Variants in SEPTIN14 observed in about 807,000 individuals in gnomAD.
SEPTIN14 encodes the protein septin 14.
SEPTIN14 carries 40 observed loss-of-function variants against 53.6 expected under a neutral mutation model. That is an observed-to-expected ratio of 0.75 (90% CI 0.58 to 0.97). SEPTIN14 has a LOEUF of 0.97. Ranked by LOEUF, SEPTIN14 falls within the 50% of genes least tolerant of loss-of-function variation. The pLI, the probability that SEPTIN14 is intolerant of heterozygous loss-of-function variation, is 0.00. For missense variants in SEPTIN14, 471 were observed against 508.2 expected (o/e 0.93, Z 0.70); for synonymous variants, 138 against 166.8 (o/e 0.83, Z 1.33).
chr7:55,814,286 C>T (rs1030330250), intron 7 of SEPTIN14, among the ~76,000 whole-genome samples: 1 of 152,094 alleles, frequency 6.6e-6, no homozygotes, highest in Admixed American at 6.6e-5. Context: ...CTCTTCAATG[C>T]CCAGACATAG....
intron 3 of SEPTIN14, among the ~76,000 whole-genome samples, chr7:55,846,068 T>TATATATATATAG (rs1789400059): frequency 9.7e-6 from 1 of 103,250 alleles, no homozygotes; most frequent in African/African-American, 3.4e-5. Context: ...AAAAAAAGTA[T>TATATATATATAG]ATATATATAT....
intron 2 of SEPTIN14, among the ~76,000 whole-genome samples, chr7:55,847,449 G>A (rs1366765596): frequency 1.3e-5 from 2 of 152,106 alleles, no homozygotes; most frequent in Non-Finnish European, 2.9e-5. Context: ...CATATTGTAA[G>A]TCAAAACTGC....
At chr7:55,829,022 C>CTT (rs373075843) in intron 6 of SEPTIN14, among the ~76,000 whole-genome samples, 1 of 147,636 alleles carries the variant, frequency 6.8e-6, no homozygotes, top group Non-Finnish European at 1.5e-5. Flanking sequence ...TTTAAATTTA[C>CTT]TTTTTTTTTT....
In SEPTIN14 at chr7:55,794,451, C is replaced by T. The variant is rs1207002365; in HGVS notation, c.*1462G>A. ...ATAGCTAATGTACTATTGCTGGGTC[C>T]ATTTATTCAATGAATAATTGCTGCT... is the stretch of plus-strand genomic sequence containing the variant. On this transcript the variant is annotated 3_prime_UTR_variant, in exon 10 of 10. Coordinates refer to ENST00000388975, the MANE Select transcript of SEPTIN14 (RefSeq NM_207366.3). 1.3e-5 allele frequency: 2 copies of T among 152,100 alleles called. No homozygotes were observed. Among genetic ancestry groups the T allele is most frequent in the Admixed American group, 1.3e-4 (2 of 15,260 alleles). The allele number at this position is 152,100 out of a possible 1,614,324, so 9.4% of individuals were successfully genotyped here.
intron 5 of SEPTIN14, among the ~76,000 whole-genome samples, chr7:55,840,934 C>T (rs893624888): frequency 6.6e-6 from 1 of 151,990 alleles, no homozygotes; most frequent in African/African-American, 2.4e-5. Flanking sequence ...GACTCTTGCT[C>T]TGTCGCCCAG....
intron 6 of SEPTIN14, among the ~76,000 whole-genome samples, chr7:55,823,808 G>A (rs1475690906): frequency 6.6e-6 from 1 of 152,086 alleles, no homozygotes; most frequent in Non-Finnish European, 1.5e-5. Context: ...TTTCTTGCAA[G>A]CTGCCTGTTG....
chr7:55,839,979 T>C (rs917733565), intron 5 of SEPTIN14, among the ~76,000 whole-genome samples: 4 of 146,028 alleles, frequency 2.7e-5, no homozygotes, highest in Non-Finnish European at 6.0e-5. Context: ...ACCTTGTCTC[T>C]ACTAAAAATA....
intron 2 of SEPTIN14, among the ~76,000 whole-genome samples, chr7:55,857,651 G>A (rs1193369479): frequency 1.6e-5 from 2 of 121,950 alleles, no homozygotes; most frequent in African/African-American, 6.3e-5. Flanking sequence ...GCAGTGGCAC[G>A]ATCTCGGCTC....
intron 5 of SEPTIN14, among the ~76,000 whole-genome samples, chr7:55,837,823 T>C (rs1198358590): frequency 6.6e-6 from 1 of 152,226 alleles, no homozygotes; most frequent in Non-Finnish European, 1.5e-5. Flanking sequence ...CCTCAGGTGA[T>C]CTACCTGTCT....
At chr7:55,842,786 G>A (rs576821093) in intron 5 of SEPTIN14, among the ~76,000 whole-genome samples, 156 bp downstream of exon 5, 3 of 151,924 alleles carry the variant, frequency 2.0e-5, no homozygotes, top group Non-Finnish European at 4.4e-5. Context: ...GGTGGCAGGT[G>A]CCTGTAGTCC....
At chr7:55,816,347 G>A (rs543095260) in intron 7 of SEPTIN14, among the ~76,000 whole-genome samples, 2 of 152,146 alleles carry the variant, frequency 1.3e-5, no homozygotes, top group African/African-American at 2.4e-5. Context: ...AACTAAAAGA[G>A]TATAGTTGGA....
chr7:55,842,697 G>A (rs1191088329), intron 5 of SEPTIN14, among the ~76,000 whole-genome samples: 1 of 152,008 alleles, frequency 6.6e-6, no homozygotes, highest in African/African-American at 2.4e-5. Context: ...AGGATCACGA[G>A]GTCAGGAGAT....
At chr7:55,840,968 C>G (rs556410599) in intron 5 of SEPTIN14, among the ~76,000 whole-genome samples, 2 of 152,060 alleles carry the variant, frequency 1.3e-5, no homozygotes, top group Non-Finnish European at 2.9e-5. Context: ...GGCGCAATCT[C>G]GGCTCACTGC....
At chr7:55,852,179 A>G (rs1789529718) in intron 2 of SEPTIN14, among the ~76,000 whole-genome samples, 1 of 151,862 alleles carries the variant, frequency 6.6e-6, no homozygotes. Context: ...AAAGAAATAG[A>G]AAAAATAATC....
At chr7:55,857,998 T>A (rs943828780) in intron 2 of SEPTIN14, among the ~76,000 whole-genome samples, 2 of 151,988 alleles carry the variant, frequency 1.3e-5, no homozygotes, top group African/African-American at 4.8e-5. Context: ...GAAAAAAAAA[T>A]ATCTCTCTCA....
intron 5 of SEPTIN14, among the ~76,000 whole-genome samples, chr7:55,837,219 G>A (rs535912257): frequency 1.3e-4 from 20 of 151,552 alleles, no homozygotes; most frequent in Non-Finnish European, 2.6e-4. Flanking sequence ...GGGCTGAAGC[G>A]ATCCTCCCAC....
At chr7:55,836,272 A>T (rs1277308738) in intron 5 of SEPTIN14, among the ~76,000 whole-genome samples, 1 of 152,220 alleles carries the variant, frequency 6.6e-6, no homozygotes, top group African/African-American at 2.4e-5. Flanking sequence ...TAAATAACTA[A>T]ACTTTTTAGG....
chr7:55,801,908 G>A (rs1379869743), intron 9 of SEPTIN14, among the ~76,000 whole-genome samples: 5 of 151,988 alleles, frequency 3.3e-5, no homozygotes, highest in African/African-American at 7.2e-5. Flanking sequence ...GTGACACAGC[G>A]AGATCTTGTC....
chr7:55,802,196 G>T (rs950222709), intron 9 of SEPTIN14, among the ~76,000 whole-genome samples: 4 of 151,794 alleles, frequency 2.6e-5, no homozygotes, highest in Admixed American at 1.3e-4. Context: ...GTAGAGATGG[G>T]GTTTCGCCAA....
Sources: gnomAD v4.1 joint callset for allele counts (sites outside exome capture counted in the v4.1 genomes callset) on GRCh38, gnomAD v4.1.1 for gene constraint, MANE v1.5 for transcripts, NCBI Gene and HGNC (gene_info 2026-07-23, HGNC 2026-07-21) for gene names.